Variants in DLST observed in about 807,000 individuals in gnomAD.
The protein encoded by DLST is dihydrolipoamide S-succinyltransferase.
A neutral mutation model predicts 53.1 loss-of-function variants in DLST; 17 were observed. The ratio of observed to expected loss-of-function variants is 0.32; its 90% CI spans 0.22 to 0.48. The LOEUF is 0.48. DLST is among the 20% of genes least tolerant of loss of function. The probability of loss-of-function intolerance (pLI) is 0.99; values close to 1 mark genes in which losing one functional copy is unlikely to be tolerated. For missense variants in DLST, 512 were observed against 583.9 expected, an observed-to-expected ratio of 0.88 and a Z score of 1.27; for synonymous variants, 206 against 204.8, an observed-to-expected ratio of 1.01 and a Z score of -0.05.
intron 3 of DLST, among the ~76,000 whole-genome samples, chr14:74,888,689 A>G (rs1883791178): frequency 6.6e-6 from 1 of 152,198 alleles, no homozygotes; most frequent in Non-Finnish European, 1.5e-5. Context: ...CCTGGGTGAC[A>G]GAGCAAGACT....
chr14:74,897,693 C>T lies in DLST; in HGVS notation c.771-676C>T, dbSNP rs529765489. ...TCTTGGTACCTGGCCCTGACCCTCACATGTAGTAAGGTGTTAGTACCTGTT... is the reference window on the plus strand; with the variant it reads ...TCTTGGTACCTGGCCCTGACCCTCATATGTAGTAAGGTGTTAGTACCTGTT... On this transcript the variant is annotated intron_variant, in intron 10 of 14. Coordinates refer to ENST00000334220, the MANE Select transcript of DLST (RefSeq NM_001933.5). Among the ~76,000 whole-genome samples the T allele has an allele frequency of 1.6e-3, 242 of 152,304 alleles. 1 individual carries two copies. The highest frequency in any genetic ancestry group is 5.5e-3 in the African/African-American group (229 of 41,564).
At chr14:74,886,198 G>A (rs1883697925) in intron 3 of DLST, among the ~76,000 whole-genome samples, 1 of 152,234 alleles carries the variant, frequency 6.6e-6, no homozygotes, top group Admixed American at 6.5e-5. Context: ...TGTTTTTGTG[G>A]TGGTGCTAAG....
chr14:74,889,164 T>A lies in DLST; in HGVS notation c.199+17T>A, dbSNP rs1436504646. The stretch of plus-strand genomic sequence containing the variant: ...CTGTATGCAGTAAGTACCTGCTTTC[T>A]TGGGAATGGAATTTTATGGGAAGAG... On this transcript the variant is annotated intron_variant, in intron 4 of 14. Coordinates refer to ENST00000334220, the MANE Select transcript of DLST (RefSeq NM_001933.5). 6.2e-7 allele frequency: 1 copy of A among 1,613,844 alleles called. No homozygotes were observed. The highest frequency in any genetic ancestry group is 8.5e-7 in the Non-Finnish European group (1 of 1,179,842).
In DLST at chr14:74,881,960, T is replaced by C. The variant is rs745576936; in HGVS notation, c.7T>C (p.Ser3Pro). ML[S>P]RSRCVSRAFS... ...CCTCGGCTCCTCCGCCGTGATGCTG[T>C]CCCGATCCCGCTGTGTGTCTCGGGC... is the stretch of plus-strand genomic sequence containing the variant. Residue 3 changes from serine to proline, a missense_variant, in exon 1 of 15, where the codon TCC becomes CCC. Transcript: ENST00000334220. 10 of 1,564,866 alleles carry C rather than the reference T, an allele frequency of 6.4e-6. No individual in the cohort carries two copies. The highest frequency in any genetic ancestry group is 1.7e-4 in the Middle Eastern group (1 of 5,756).
intron 6 of DLST, among the ~76,000 whole-genome samples, chr14:74,890,444 T>C (rs1401170540): frequency 2.0e-5 from 3 of 152,130 alleles, no homozygotes; most frequent in Non-Finnish European, 2.9e-5. Flanking sequence ...TTGTTTGCTG[T>C]GTGTGTACTA....
rs1472420377 is a variant in DLST at position 74,881,973 on chromosome 14, G to A, written c.20G>A (p.Cys7Tyr). 3.8e-6 allele frequency: 6 copies of A among 1,571,098 alleles called. No individual in the cohort carries two copies. The South Asian group carries it at 4.6e-5, about 12-fold the overall frequency. ...GCCGTGATGCTGTCCCGATCCCGCTGTGTGTCTCGGGCGTTCAGCCGCTCG... is the reference window on the plus strand; with the variant it reads ...GCCGTGATGCTGTCCCGATCCCGCTATGTGTCTCGGGCGTTCAGCCGCTCG... MLSRSR[C>Y]VSRAFSRSLS... The change falls in exon 1 of 15, where the codon TGT (cysteine) becomes TAT (tyrosine). Residue 7 changes from cysteine (C) to tyrosine (Y), a missense_variant. Coordinates refer to ENST00000334220, the MANE Select transcript of DLST (RefSeq NM_001933.5).
intron 9 of DLST, among the ~76,000 whole-genome samples, chr14:74,893,832 C>G (rs1883989822): frequency 1.3e-5 from 2 of 152,188 alleles, no homozygotes; most frequent in African/African-American, 4.8e-5. Context: ...CTGTCAGGTG[C>G]AGACATAAAG....
At chr14:74,898,851 G>A (rs555598347) in intron 11 of DLST, among the ~76,000 whole-genome samples, 1 of 152,316 alleles carries the variant, frequency 6.6e-6, no homozygotes, top group African/African-American at 2.4e-5. Context: ...TTACCTTGGG[G>A]CCTGACTTCC....
Position 74,890,008 on chromosome 14 carries a change from A to T in DLST, c.330+56A>T, listed in dbSNP as rs1483001388. Reference sequence around the variant, plus strand: ...TCATGGGCTTCCCTTAGTTAACCTAATGAAAGAAACAGGGACTTAACCATT... The same window carrying T: ...TCATGGGCTTCCCTTAGTTAACCTATTGAAAGAAACAGGGACTTAACCATT... On this transcript the variant is annotated intron_variant, in intron 6 of 14. Coordinates refer to ENST00000334220, the MANE Select transcript of DLST (RefSeq NM_001933.5). The T allele has an allele frequency of 2.0e-6, 3 of 1,532,134 alleles. No individual in the cohort carries two copies. In the Admixed American group the frequency reaches 5.2e-5, roughly 27 times the overall value. 94.9% of individuals were successfully genotyped at this position (1,532,134 alleles called of 1,614,324 possible). A position where few individuals can be genotyped will look rare whatever the true frequency, so the allele number is the denominator to read the frequency against.
intron 6 of DLST, 125 bp downstream of exon 6, chr14:74,890,077 T>C: frequency 2.7e-6 from 2 of 732,466 alleles, no homozygotes; most frequent in Non-Finnish European, 4.3e-6. Flanking sequence ...AGTTGTAAAA[T>C]TATTGGATTT....
chr14:74,885,161 T>C (rs1364591600), intron 2 of DLST, among the ~76,000 whole-genome samples: 1 of 152,226 alleles, frequency 6.6e-6, no homozygotes, highest in Non-Finnish European at 1.5e-5. Context: ...ACATCCTCCT[T>C]GCTTCTCAAA....
intron 11 of DLST, among the ~76,000 whole-genome samples, chr14:74,898,815 C>G (rs1884153349): frequency 1.3e-5 from 2 of 151,932 alleles, no homozygotes; most frequent in Admixed American, 1.3e-4. Context: ...CTGGCTTCCT[C>G]CCCTCCCCCA....
chr14:74,885,086 C>T (rs531208432), intron 2 of DLST, among the ~76,000 whole-genome samples: 1 of 152,214 alleles, frequency 6.6e-6, no homozygotes, highest in South Asian at 2.1e-4. Flanking sequence ...CTAAAGTAGC[C>T]AAGTCTTTGC....
Position 74,889,060 on chromosome 14 carries a change from C to T in DLST, c.147-35C>T, listed in dbSNP as rs201088603. 1.1e-4 allele frequency: 168 copies of T among 1,542,766 alleles called. No homozygotes were observed. The African/African-American group carries it at 3.8e-3, about 35-fold the overall frequency. ...CTAGACTAAAATGTGAGTGGTTCGC[C>T]TGTTAAAAGGAGTTAACGTGTGTTT... On this transcript the variant is annotated intron_variant, in intron 3 of 14. Transcript: ENST00000334220.
At chr14:74,898,622 G>GT in intron 11 of DLST, 123 bp downstream of exon 11, 1 of 1,217,928 alleles carries the variant, frequency 8.2e-7, no homozygotes, top group Non-Finnish European at 1.1e-6. Flanking sequence ...AGAAATATCA[G>GT]TATCTTCCCC....
chr14:74,882,895 T>C (rs1168803907), intron 2 of DLST, among the ~76,000 whole-genome samples: 1 of 152,108 alleles, frequency 6.6e-6, no homozygotes, highest in African/African-American at 2.4e-5. Flanking sequence ...CCTAGGCTAG[T>C]TGGATAGTGT....
At position 74,892,979 on chromosome 14, in the gene DLST, C is replaced by A; in HGVS notation, c.588C>A (p.Gly196=). 1 of 1,610,454 alleles carries A rather than the reference C, an allele frequency of 6.2e-7. No individual in the cohort carries two copies. Among genetic ancestry groups the A allele is most frequent in the Non-Finnish European group, 8.5e-7 (1 of 1,178,790 alleles). Residue 196 remains glycine, a synonymous_variant, in exon 8 of 15, where the codon GGC becomes GGA. Transcript: ENST00000334220. ...CCTCGCCCTCACAGCCTCCTTCTGG[C>A]AAACCTGGTAGGCTTCCAACTCCCA... ...PVPSPSQPPS[G]KPVSAVKPTV...
intron 14 of DLST, among the ~76,000 whole-genome samples, chr14:74,901,688 A>G (rs1198782819): frequency 6.6e-6 from 1 of 152,202 alleles, no homozygotes; most frequent in Non-Finnish European, 1.5e-5. Flanking sequence ...CCCTTAGAAG[A>G]TACGTTGGTA....
chr14:74,897,912 C>T (rs370323057), intron 10 of DLST, among the ~76,000 whole-genome samples: 16 of 149,912 alleles, frequency 1.1e-4, no homozygotes, highest in African/African-American at 3.7e-4. Context: ...GAATATCACA[C>T]GGGAGTTATA....
Sources: gnomAD v4.1 joint callset for allele counts (sites outside exome capture counted in the v4.1 genomes callset) on GRCh38, gnomAD v4.1.1 for gene constraint, MANE v1.5 for transcripts, NCBI Gene and HGNC (gene_info 2026-07-23, HGNC 2026-07-21) for gene names.